The following NKAIN3 variants were observed in gnomAD, a reference collection of about 807,000 sequenced individuals.
NKAIN3 encodes sodium/potassium-transporting ATPase subunit beta-1-interacting protein 3.
A neutral mutation model predicts 30.2 loss-of-function variants in NKAIN3; 25 were observed. The ratio of observed to expected loss-of-function variants is 0.83; its 90% CI spans 0.60 to 1.16. The LOEUF (loss-of-function observed/expected upper bound fraction) is 1.16, where lower values mean the gene tolerates loss of function less well. Among genes scored for constraint, NKAIN3 ranks in the 50% most tolerant of loss-of-function variants. The pLI is 0.00. For missense variants in NKAIN3, 225 were observed against 254.1 expected, an observed-to-expected ratio of 0.89 and a Z score of 0.78; for synonymous variants, 91 against 89.6, an observed-to-expected ratio of 1.02 and a Z score of -0.09.
At chr8:62,772,664 T>C (rs1428736164) in intron 4 of NKAIN3, among the ~76,000 whole-genome samples, 1 of 91,292 alleles carries the variant, frequency 1.1e-5, no homozygotes, top group Non-Finnish European at 2.1e-5. Flanking sequence ...TTTTGCCTAC[T>C]TTTTTTTTTT....
chr8:62,786,670 G>T (rs139513451), intron 4 of NKAIN3, among the ~76,000 whole-genome samples: 1 of 152,156 alleles, frequency 6.6e-6, no homozygotes, highest in African/African-American at 2.4e-5. Context: ...GAATGCATTC[G>T]GTTATCCTAT....
intron 4 of NKAIN3, among the ~76,000 whole-genome samples, chr8:62,886,402 A>C (rs1415351488): frequency 6.6e-6 from 1 of 152,072 alleles, no homozygotes; most frequent in Non-Finnish European, 1.5e-5. Flanking sequence ...CTATTAGATC[A>C]GTTAAGAATA....
chr8:62,296,928 C>A (rs1160577521), intron 1 of NKAIN3, among the ~76,000 whole-genome samples: 1 of 152,118 alleles, frequency 6.6e-6, no homozygotes, highest in Non-Finnish European at 1.5e-5. Flanking sequence ...CACCCATTTG[C>A]TCATTATAGA....
chr8:62,992,616 T>C (rs1200931701), intron 5 of NKAIN3, among the ~76,000 whole-genome samples: 14 of 151,906 alleles, frequency 9.2e-5, no homozygotes, highest in Admixed American at 2.6e-4. Context: ...CTTTCCCTTT[T>C]CTCCCCTTCC....
chr8:62,842,908 A>G (rs997190046), intron 4 of NKAIN3, among the ~76,000 whole-genome samples: 3 of 152,156 alleles, frequency 2.0e-5, no homozygotes, highest in Non-Finnish European at 4.4e-5. Context: ...AGAAGAAAAC[A>G]TAGGAAAAGC....
In NKAIN3 at chr8:62,367,768, G is replaced by T. The variant is rs561080877; in HGVS notation, c.54+118641G>T. Among the ~76,000 whole-genome samples, 17 of 152,174 alleles carry T rather than the reference G, an allele frequency of 1.1e-4. No individual in the cohort carries two copies. In the East Asian group the frequency reaches 3.3e-3, roughly 29 times the overall value. On this transcript the variant is annotated intron_variant, in intron 1 of 6. Transcript: ENST00000623646. ...AGTTAGGCAAGAGAGAGAAATAAAA[G>T]ACCTCCAAATTGGAAGGAAAGAAGT...
chr8:62,295,904 C>A (rs531287993), intron 1 of NKAIN3, among the ~76,000 whole-genome samples: 86 of 152,224 alleles, frequency 5.6e-4, no homozygotes, highest in African/African-American at 2.1e-3. Flanking sequence ...AAATCTGTGC[C>A]TTCATAAAAT....
At chr8:62,516,847 C>T (rs116439571) in intron 1 of NKAIN3, among the ~76,000 whole-genome samples, 196 of 152,136 alleles carry the variant, frequency 1.3e-3, no homozygotes, top group African/African-American at 4.4e-3. Flanking sequence ...TCATTTTGAA[C>T]ATCTCTCATT....
chr8:62,402,874 T>G (rs1412195423), intron 1 of NKAIN3, among the ~76,000 whole-genome samples: 1 of 151,798 alleles, frequency 6.6e-6, no homozygotes, highest in East Asian at 1.9e-4. Context: ...CAGGCAGAGG[T>G]TGGAACAGTT....
chr8:62,858,360 G>T (rs1193655136), intron 4 of NKAIN3, among the ~76,000 whole-genome samples: 1 of 152,108 alleles, frequency 6.6e-6, no homozygotes, highest in African/African-American at 2.4e-5. Context: ...TAAAGAAGCA[G>T]TCTGGCTGCT....
chr8:62,449,277 G>T (rs762250446), intron 1 of NKAIN3, among the ~76,000 whole-genome samples: 1 of 151,940 alleles, frequency 6.6e-6, no homozygotes, highest in Non-Finnish European at 1.5e-5. Context: ...AAAAGAAGCC[G>T]GTTTAGTGGC....
At chr8:62,285,819 G>T (rs1200030608) in intron 1 of NKAIN3, among the ~76,000 whole-genome samples, 1 of 152,108 alleles carries the variant, frequency 6.6e-6, no homozygotes, top group Admixed American at 6.6e-5. Context: ...CTTCACTTAA[G>T]ATTTTACCTA....
intron 4 of NKAIN3, among the ~76,000 whole-genome samples, chr8:62,864,353 A>C (rs1270341785): frequency 2.0e-5 from 3 of 152,064 alleles, no homozygotes; most frequent in Non-Finnish European, 4.4e-5. Context: ...GTAGATCAGG[A>C]ACTTGCGAAC....
intron 4 of NKAIN3, among the ~76,000 whole-genome samples, chr8:62,858,862 C>T (rs555502002): frequency 6.6e-6 from 1 of 152,186 alleles, no homozygotes; most frequent in South Asian, 2.1e-4. Context: ...GGAAGTGGGA[C>T]CCACAGGCCA....
intron 1 of NKAIN3, among the ~76,000 whole-genome samples, chr8:62,384,769 G>A (rs1218107833): frequency 1.3e-5 from 2 of 152,074 alleles, no homozygotes; most frequent in Non-Finnish European, 2.9e-5. Flanking sequence ...AGTCAAATAT[G>A]CAAAGACTCT....
intron 4 of NKAIN3, among the ~76,000 whole-genome samples, chr8:62,792,962 A>G (rs1817749308): frequency 6.6e-6 from 1 of 152,134 alleles, no homozygotes; most frequent in Non-Finnish European, 1.5e-5. Context: ...TGCATGCCCA[A>G]GGTGATATAC....
chr8:62,254,800 T>G (rs2129387404), intron 1 of NKAIN3, among the ~76,000 whole-genome samples: 1 of 152,346 alleles, frequency 6.6e-6, no homozygotes, highest in African/African-American at 2.4e-5. Context: ...TTTTATTTAA[T>G]AAGAATTAAT....
At chr8:62,713,825 A>T (rs1814805423) in intron 3 of NKAIN3, among the ~76,000 whole-genome samples, 1 of 152,144 alleles carries the variant, frequency 6.6e-6, no homozygotes, top group Non-Finnish European at 1.5e-5. Context: ...TTCTGTATAA[A>T]TTTCATTAGG....
intron 4 of NKAIN3, among the ~76,000 whole-genome samples, chr8:62,788,493 A>T (rs1407484750): frequency 1.3e-5 from 2 of 151,808 alleles, no homozygotes; most frequent in Non-Finnish European, 2.9e-5. Flanking sequence ...TTGCCTGTTC[A>T]CTCTGATGGT....
Sources: allele counts gnomAD v4.1 joint callset (sites outside exome capture counted in the v4.1 genomes callset), GRCh38; gene constraint gnomAD v4.1.1; transcripts MANE v1.5; gene names NCBI Gene and HGNC (gene_info 2026-07-23, HGNC 2026-07-21).